The following CAPN3 variants were observed in gnomAD, a reference collection of about 807,000 sequenced individuals.
CAPN3 encodes calpain-3.
CAPN3 carries 88 observed loss-of-function variants against 114.0 expected under a neutral mutation model. The ratio of observed to expected loss-of-function variants is 0.77; its 90% CI spans 0.65 to 0.92. CAPN3 has a LOEUF of 0.92. CAPN3 is among the 40% of genes least tolerant of loss of function. CAPN3 has a pLI of 0.00. For synonymous variants in CAPN3, 386 were observed against 382.9 expected (o/e 1.01, Z -0.09); for missense variants, 1,028 against 1,069.0 (o/e 0.96, Z 0.53).
chr15:42,393,245 T>C (rs1477953664), intron 7 of CAPN3, among the ~76,000 whole-genome samples: 2 of 152,262 alleles, frequency 1.3e-5, no homozygotes, highest in African/African-American at 2.4e-5. Context: ...AAATGCTATG[T>C]AAATAGTTAT....
At chr15:42,410,030 C>T in intron 19 of CAPN3, 35 bp downstream of exon 19, 2 of 1,599,706 alleles carry the variant, frequency 1.3e-6, no homozygotes, top group African/African-American at 1.3e-5. Flanking sequence ...GACCCTCTGT[C>T]ATCAGCCCAC....
chr15:42,370,515 G>A (rs140604876), intron 1 of CAPN3, among the ~76,000 whole-genome samples: 237 of 152,264 alleles, frequency 1.6e-3, no homozygotes, highest in Middle Eastern at 6.8e-3. Flanking sequence ...CTGGCTCAGC[G>A]AGTGGTCTGC....
At chr15:42,362,398 C>G (rs535148496) in intron 1 of CAPN3, among the ~76,000 whole-genome samples, 1 of 152,284 alleles carries the variant, frequency 6.6e-6, no homozygotes, top group East Asian at 1.9e-4. Context: ...CTGTTATGCT[C>G]TAGGTACTAG....
chr15:42,411,460 G>A (rs2141228064), intron 23 of CAPN3, 115 bp downstream of exon 23: 5 of 1,015,758 alleles, frequency 4.9e-6, no homozygotes, highest in South Asian at 1.3e-5. Context: ...GTGGAGGGAA[G>A]GGATAGGAAC....
rs753780627 is a variant in CAPN3, at chr15:42,390,064, G to C, written c.913G>C (p.Asp305His). 6.2e-7 allele frequency: 1 copy of C among 1,614,044 alleles called. No homozygotes were observed. Among genetic ancestry groups the C allele is most frequent in the African/African-American group, 1.3e-5 (1 of 74,988 alleles). The change falls in exon 6 of 24, where the codon GAC becomes CAC. Residue 305 changes from aspartate (D) to histidine (H), a missense_variant. By Grantham distance (81) the Asp-to-His change is moderately conservative (BLOSUM62 -1). Transcript: ENST00000397163. ...DNSLLQDSDL[D>H]PRGSDERPTR... ...CTCACTGCTCCAGGACTCAGACCTCGACCCCAGAGGCTCAGATGAAAGACC... is the reference window on the plus strand; with the variant it reads ...CTCACTGCTCCAGGACTCAGACCTCCACCCCAGAGGCTCAGATGAAAGACC...
At chr15:42,398,289 T>C (rs2053758238) in intron 9 of CAPN3, among the ~76,000 whole-genome samples, 1 of 151,736 alleles carries the variant, frequency 6.6e-6, no homozygotes, top group African/African-American at 2.4e-5. Flanking sequence ...TCTAGTTATT[T>C]TGAAAGATAT....
intron 5 of CAPN3, among the ~76,000 whole-genome samples, chr15:42,389,390 C>T (rs750651913): frequency 1.3e-5 from 2 of 152,190 alleles, no homozygotes; most frequent in Non-Finnish European, 2.9e-5. Flanking sequence ...AGTCTCAGCA[C>T]GCTCCCATTA....
chr15:42,395,500 C>T (rs1423079608), intron 8 of CAPN3, among the ~76,000 whole-genome samples: 1 of 152,130 alleles, frequency 6.6e-6, no homozygotes, highest in Non-Finnish European at 1.5e-5. Flanking sequence ...GGCCTCTGCA[C>T]CTAGTTTGGG....
intron 2 of CAPN3, 42 bp downstream of exon 2, chr15:42,384,594 G>A: frequency 7.0e-7 from 1 of 1,422,334 alleles, no homozygotes; most frequent in Non-Finnish European, 9.9e-7. Context: ...GATGATCAAG[G>A]GGTGATTACA....
intron 1 of CAPN3, among the ~76,000 whole-genome samples, chr15:42,378,470 G>C (rs2053150228): frequency 6.6e-6 from 1 of 152,100 alleles, no homozygotes; most frequent in Non-Finnish European, 1.5e-5. Context: ...TTTGCCACCA[G>C]CCTGACTGAA....
Position 42,402,965 on chromosome 15 carries a change from A to G in CAPN3, c.1708A>G (p.Ile570Val). The change falls in exon 13 of 24, where the codon ATC (isoleucine) becomes GTC (valine). Residue 570 changes from isoleucine to valine, a missense_variant. Physicochemically the swap from Ile to Val is conservative, Grantham distance 29 (BLOSUM62 3). Coordinates refer to ENST00000397163, the MANE Select transcript of CAPN3 (RefSeq NM_000070.3). ...CGAGCCCCACCAGGAGGGGGAATTCATCCTCCGGGTCTTCTCTGAAAAGAG... is the reference window on the plus strand; with the variant it reads ...CGAGCCCCACCAGGAGGGGGAATTCGTCCTCCGGGTCTTCTCTGAAAAGAG... Reference protein sequence around the residue: ...TYEPHQEGEFILRVFSEKRNL... With the variant: ...TYEPHQEGEFVLRVFSEKRNL... 2 of 1,614,136 alleles carry G rather than the reference A, an allele frequency of 1.2e-6. No homozygotes were observed. The highest frequency in any genetic ancestry group is 1.7e-6 in the Non-Finnish European group (2 of 1,179,978).
At chr15:42,372,867 T>A (rs1726188710) in intron 1 of CAPN3, among the ~76,000 whole-genome samples, 1 of 148,052 alleles carries the variant, frequency 6.8e-6, no homozygotes, top group South Asian at 2.2e-4. Flanking sequence ...AAAATTATTT[T>A]AAGCTATTAT....
At chr15:42,364,138 T>G (rs1023108595) in intron 1 of CAPN3, among the ~76,000 whole-genome samples, 1 of 152,170 alleles carries the variant, frequency 6.6e-6, no homozygotes, top group African/African-American at 2.4e-5. Flanking sequence ...CCTCTATAAG[T>G]TGGAGATGGA....
Position 42,386,238 on chromosome 15 carries a change from C to G in CAPN3, c.451C>G (p.His151Asp), listed in dbSNP as rs886051148. 2.5e-6 allele frequency: 4 copies of G among 1,614,120 alleles called. No individual in the cohort carries two copies. Among genetic ancestry groups the G allele is most frequent in the Non-Finnish European group, 3.4e-6 (4 of 1,179,978 alleles). ...GCACCTTCTTTTCCGAGTCATACCC[C>G]ATGATCAAAGTTTCATCGAAAACTA... is the stretch of plus-strand genomic sequence containing the variant. ...NQHLLFRVIP[H>D]DQSFIENYAG... The change falls in exon 3 of 24, where the codon CAT (histidine) becomes GAT (aspartate). Residue 151 changes from histidine to aspartate, a missense_variant. His to Asp is a moderately conservative substitution (Grantham distance 81). Transcript: ENST00000397163.
chr15:42,360,041 AG>A lies in CAPN3; in HGVS notation c.237del (p.Glu79AspfsTer48), dbSNP rs760205277. The A allele has an allele frequency of 1.5e-5, 24 of 1,614,232 alleles. No individual in the cohort carries two copies. Among genetic ancestry groups the A allele is most frequent in the Non-Finnish European group, 2.0e-5 (24 of 1,180,032 alleles). On this transcript the variant is annotated frameshift_variant, in exon 1 of 24. Coordinates refer to ENST00000397163, the MANE Select transcript of CAPN3 (RefSeq NM_000070.3). LOFTEE classifies it high-confidence loss of function. The stretch of plus-strand genomic sequence containing the variant: ...AAGAAAGTTCTTTATGTGGACCCTG[AG>A]TTCCCACCGGATGAGACCTCTCTCT... ...LEKKVLYVDP[E>X]FPPDETSLFY...
Position 42,410,410 on chromosome 15 carries a change from C to T in CAPN3, c.2116-18C>T, listed in dbSNP as rs1330214191. On this transcript the variant is annotated intron_variant, in intron 19 of 23. Transcript: ENST00000397163. ...GGATTTTGCTGTGTGCTGTGTAGCC[C>T]TGACCTCCCTCCTCCAGACAGATGG... 1 of 1,613,596 alleles carries T rather than the reference C, an allele frequency of 6.2e-7. No individual in the cohort carries two copies. The highest frequency in any genetic ancestry group is 1.3e-5 in the African/African-American group (1 of 74,884).
chr15:42,385,521 T>TACACAC (rs1380000796), intron 2 of CAPN3, among the ~76,000 whole-genome samples: 1 of 148,132 alleles, frequency 6.8e-6, no homozygotes, highest in African/African-American at 2.6e-5. Flanking sequence ...TATATATATA[T>TACACAC]ATACACACAC....
chr15:42,386,298 G>A lies in CAPN3; in HGVS notation c.498+13G>A. 1 of 1,582,128 alleles carries A rather than the reference G, an allele frequency of 6.3e-7. No individual in the cohort carries two copies. The highest frequency in any genetic ancestry group is 8.7e-7 in the Non-Finnish European group (1 of 1,150,794). On this transcript the variant is annotated intron_variant, in intron 3 of 23. Coordinates refer to ENST00000397163, the MANE Select transcript of CAPN3 (RefSeq NM_000070.3). Reference sequence around the variant, plus strand: ...CTTCCACTTCCAGGTGAGGTAATGAGAGTGTAGTTAAGAGGGCCAGCGGCA... The same window carrying A: ...CTTCCACTTCCAGGTGAGGTAATGAAAGTGTAGTTAAGAGGGCCAGCGGCA...
chr15:42,411,325 A>T lies in CAPN3; in HGVS notation c.2419A>T (p.Ile807Phe). Residue 807 changes from isoleucine (I) to phenylalanine (F), a missense_variant, in exon 23 of 24, where the codon ATC becomes TTC. Physicochemically the swap from Ile to Phe is conservative, Grantham distance 21 (BLOSUM62 0). Transcript: ENST00000397163. ...HAFDKDGDGI[I>F]KLNVLEWLQL... ...ATTTGACAAGGATGGAGATGGTATCATCAAGCTCAACGTTCTGGAGGTAAA... is the reference window on the plus strand; with the variant it reads ...ATTTGACAAGGATGGAGATGGTATCTTCAAGCTCAACGTTCTGGAGGTAAA... The T allele has an allele frequency of 6.2e-7, 1 of 1,614,146 alleles. No individual in the cohort carries two copies. Among genetic ancestry groups the T allele is most frequent in the Non-Finnish European group, 8.5e-7 (1 of 1,179,998 alleles).
Sources: gnomAD v4.1 joint callset for allele counts (sites outside exome capture counted in the v4.1 genomes callset) on GRCh38, gnomAD v4.1.1 for gene constraint, MANE v1.5 for transcripts, NCBI Gene and HGNC (gene_info 2026-07-23, HGNC 2026-07-21) for gene names.